CKM: variants seen among roughly 807,000 people sequenced by gnomAD.
CKM encodes the protein creatine kinase M-type.
CKM carries 28 observed loss-of-function variants against 35.4 expected under a neutral mutation model. That is an observed-to-expected ratio of 0.79 (90% CI 0.59 to 1.08). The LOEUF (loss-of-function observed/expected upper bound fraction) is 1.08, where lower values mean the gene tolerates loss of function less well. Ranked by LOEUF, CKM falls within the 50% of genes least tolerant of loss-of-function variation. The pLI is 0.00. For synonymous variants in CKM, 215 were observed against 204.4 expected (o/e 1.05, Z -0.44); for missense variants, 484 against 509.8 (o/e 0.95, Z 0.49).
intron 3 of CKM, 127 bp downstream of exon 3, chr19:45,317,698 T>G (rs555966722): frequency 1.6e-4 from 176 of 1,097,692 alleles, no homozygotes; most frequent in Non-Finnish European, 2.1e-4. Context: ...CCTCTCTCTT[T>G]CCATCTCTCT....
chr19:45,309,555 C>CAAA lies in CKM; in HGVS notation c.654-1026_654-1024dup, dbSNP rs1157606063. Among the ~76,000 whole-genome samples, 97 of 74,848 alleles carry CAAA rather than the reference C, an allele frequency of 1.3e-3. 2 individuals carry two copies. The highest frequency in any genetic ancestry group is 3.3e-3 in the African/African-American group (63 of 19,262). The allele number at this position is 74,848 out of a possible 152,430, so 49.1% of individuals were successfully genotyped here. On this transcript the variant is annotated intron_variant, in intron 5 of 7. Coordinates refer to ENST00000221476, the MANE Select transcript of CKM (RefSeq NM_001824.5). ...TGGGCAACAGAGCAAGACCCTGTCT[C>CAAA]AAAAAAAAAAAAAAAAAAACCTGAG...
intron 4 of CKM, among the ~76,000 whole-genome samples, chr19:45,314,329 T>A (rs1971137580): frequency 6.6e-6 from 1 of 152,102 alleles, no homozygotes; most frequent in Non-Finnish European, 1.5e-5. Context: ...ACAACATTTT[T>A]AGCAGGATTT....
rs542554046 is a variant in CKM, at chr19:45,307,543, C to G, written c.885G>C (p.Val295=). 1.2e-6 allele frequency: 2 copies of G among 1,614,146 alleles called. No homozygotes were observed. The highest frequency in any genetic ancestry group is 1.7e-6 in the Non-Finnish European group (2 of 1,179,998). Residue 295 remains valine (V), a synonymous_variant, in exon 7 of 8, where the codon GTG becomes GTC. Coordinates refer to ENST00000221476, the MANE Select transcript of CKM (RefSeq NM_001824.5). ...TGCTCAGGTGCGCCAGCTTCACATG[C>G]ACGCCTCCACGCAGCCCAGTGCCCA... ...SNLGTGLRGG[V]HVKLAHLSKH...
At position 45,307,477 on chromosome 19, in the gene CKM, C is replaced by T. The variant is rs556510487; in HGVS notation, c.951G>A (p.Leu317=). The T allele has an allele frequency of 7.7e-5, 124 of 1,613,816 alleles. No homozygotes were observed. The highest frequency in any genetic ancestry group is 1.2e-4 in the Admixed American group (7 of 59,982). Residue 317 remains leucine (L), a synonymous_variant, in exon 7 of 8, where the codon CTG becomes CTA. Transcript: ENST00000221476. ...KFEEILTRLR[L]QKRGTGGVDT... ...GAGCCGTACCTGTACCCCTCTTCTG[C>T]AGACGCAGGCGGGTGAGGATCTCCT...
intron 5 of CKM, among the ~76,000 whole-genome samples, chr19:45,309,854 G>A (rs929882441): frequency 3.3e-5 from 5 of 151,974 alleles, no homozygotes; most frequent in Non-Finnish European, 5.9e-5. Context: ...CAGAGTGAGA[G>A]TCCATCTCAA....
In CKM at chr19:45,317,950, C is replaced by T. The variant is rs771533664; in HGVS notation, c.223G>A (p.Val75Met). 11 of 1,613,814 alleles carry T rather than the reference C, an allele frequency of 6.8e-6. No individual in the cohort carries two copies. The African/African-American group carries it at 8.0e-5, about 12-fold the overall frequency. ...TCGTAGGACTCCTCATCACCAGCCA[C>T]GCAGCCCACGGTCATGATGAAGGGG... ...GHPFIMTVGCVAGDEESYEVF... is the reference protein window; with the variant it reads ...GHPFIMTVGCMAGDEESYEVF... The change falls in exon 3 of 8, where the codon GTG (valine) becomes ATG (methionine). Residue 75 changes from valine (V) to methionine (M), a missense_variant. By Grantham distance (21) the Val-to-Met change is conservative. Coordinates refer to ENST00000221476, the MANE Select transcript of CKM (RefSeq NM_001824.5).
At position 45,322,810 on chromosome 19, in the gene CKM, C is replaced by A; in HGVS notation, c.-19+11G>T. On this transcript the variant is annotated intron_variant, in intron 1 of 7. Coordinates refer to ENST00000221476, the MANE Select transcript of CKM (RefSeq NM_001824.5). ...TCTGGCCCCCACCCAGATTCCCGCC[C>A]CGTGCAGTACCTGGCTGGGCTGGGC... 1 of 985,684 alleles carries A rather than the reference C, an allele frequency of 1.0e-6. No individual in the cohort carries two copies. The allele number at this position is 985,684 out of a possible 1,614,324, so 61.1% of individuals were successfully genotyped here.
chr19:45,309,944 G>A (rs1039761093), intron 5 of CKM, among the ~76,000 whole-genome samples: 1 of 152,012 alleles, frequency 6.6e-6, no homozygotes, highest in African/African-American at 2.4e-5. Flanking sequence ...CATCCCATCT[G>A]TATATCTTAG....
At position 45,308,460 on chromosome 19, in the gene CKM, C is replaced by T. The variant is rs371276267; in HGVS notation, c.726G>A (p.Lys242=). ...GGAAAACCTCCTTCATGTTGCCCCC[C>T]TTCTCCATGGAGATGACCCGGAGGT... ...EDHLRVISME[K]GGNMKEVFRR... is the part of the protein sequence containing the mutation. Residue 242 remains lysine (K), a synonymous_variant, in exon 6 of 8, where the codon AAG becomes AAA. Transcript: ENST00000221476. 3.1e-6 allele frequency: 5 copies of T among 1,614,048 alleles called. No homozygotes were observed. The highest frequency in any genetic ancestry group is 4.2e-6 in the Non-Finnish European group (5 of 1,180,010).
At chr19:45,321,153 C>T (rs1038611677) in intron 1 of CKM, among the ~76,000 whole-genome samples, 2 of 151,788 alleles carry the variant, frequency 1.3e-5, no homozygotes, top group African/African-American at 2.4e-5. Context: ...ATCCGCCCAC[C>T]TCTGCCTCCC....
At position 45,318,080 on chromosome 19, in the gene CKM, G is replaced by T. The variant is rs558589324; in HGVS notation, c.194-101C>A. The T allele has an allele frequency of 1.1e-5, 11 of 968,490 alleles. No individual in the cohort carries two copies. In the East Asian group the frequency reaches 2.7e-4, roughly 24 times the overall value. 60.0% of individuals were successfully genotyped at this position (968,490 alleles called of 1,614,324 possible). On this transcript the variant is annotated intron_variant, in intron 2 of 7. Coordinates refer to ENST00000221476, the MANE Select transcript of CKM (RefSeq NM_001824.5). ...TGTGTGGACATGTGTGTCGGGATGG[G>T]GGCGGGTACATTCAATACCTCTGGG... is the stretch of plus-strand genomic sequence containing the variant.
rs934235936 is a variant in CKM, at chr19:45,314,972, G to A, written c.481+493C>T. 7.2e-5 allele frequency among the ~76,000 whole-genome samples: 11 copies of A among 152,050 alleles called. No individual in the cohort carries two copies. The East Asian group carries it at 7.7e-4, about 11-fold the overall frequency. Reference sequence around the variant, plus strand: ...AGCGACCCTCCCTCCTAGGCCTCCCGCACTGCTGTGGGAGCCACTGTGCCC... The same window carrying A: ...AGCGACCCTCCCTCCTAGGCCTCCCACACTGCTGTGGGAGCCACTGTGCCC... On this transcript the variant is annotated intron_variant, in intron 4 of 7. Coordinates refer to ENST00000221476, the MANE Select transcript of CKM (RefSeq NM_001824.5).
intron 4 of CKM, 85 bp downstream of exon 4, chr19:45,315,380 G>T: frequency 6.8e-7 from 1 of 1,478,250 alleles, no homozygotes; most frequent in Non-Finnish European, 9.2e-7. Context: ...AAAAGCGGGG[G>T]CCCAAAGAGA....
At position 45,318,923 on chromosome 19, in the gene CKM, C is replaced by T. The variant is rs1293195593; in HGVS notation, c.193+598G>A. ...TGGCTGGAGTACAGTGGCGCGATCT[C>T]GGCTTACTGCAACCTGCACCTCCCA... On this transcript the variant is annotated intron_variant, in intron 2 of 7. Transcript: ENST00000221476. Among the ~76,000 whole-genome samples the T allele has an allele frequency of 2.6e-5, 4 of 151,194 alleles. No individual in the cohort carries two copies. The East Asian group carries it at 7.8e-4, about 29-fold the overall frequency.
At chr19:45,315,849 C>CTTTTTTTT (rs376961493) in intron 3 of CKM, among the ~76,000 whole-genome samples, 48 of 135,610 alleles carry the variant, frequency 3.5e-4, no homozygotes, top group South Asian at 4.7e-4. Context: ...ATTTCTTTTC[C>CTTTTTTTT]TTTTTTTTCT....
Position 45,306,786 on chromosome 19 carries a change from G to C in CKM, c.1110C>G (p.Gly370=), listed in dbSNP as rs147729252. The change falls in exon 8 of 8, where the codon GGC becomes GGG. Residue 370 remains glycine (G), a synonymous_variant. Transcript: ENST00000221476. This position sits in a 1 kb window ranked among gnomAD's most constrained non-coding sequence, Gnocchi z 4.5. ...MVEMEKKLEK[G]QSIDDMIPAQ... ...CGGGGATCATGTCGTCAATGGACTG[G>C]CCTTTCTCCAACTTCTTCTCCATTT... is the stretch of plus-strand genomic sequence containing the variant. The C allele has an allele frequency of 1.9e-6, 3 of 1,614,060 alleles. No individual in the cohort carries two copies. The highest frequency in any genetic ancestry group is 2.5e-6 in the Non-Finnish European group (3 of 1,180,036).
At chr19:45,319,492 C>T in intron 2 of CKM, 29 bp downstream of exon 2, 2 of 1,587,610 alleles carry the variant, frequency 1.3e-6, no homozygotes, top group Non-Finnish European at 1.7e-6. Flanking sequence ...CCCATGTAGC[C>T]CCTTCAGTGC....
At chr19:45,309,227 C>CAA (rs59133395) in intron 5 of CKM, among the ~76,000 whole-genome samples, 3,932 of 80,678 alleles carry the variant, frequency 0.049, 103 homozygotes, top group Non-Finnish European at 0.067. Context: ...GACTCCATCT[C>CAA]AAAAAAAAAA....
intron 5 of CKM, 96 bp from the exon 6 acceptor site, chr19:45,308,628 A>T: frequency 1.1e-5 from 16 of 1,466,712 alleles, no homozygotes; most frequent in East Asian, 4.8e-5. Context: ...CGATGGGGGA[A>T]GAGGGCCTGA....
Sources: gnomAD v4.1 joint callset for allele counts (sites outside exome capture counted in the v4.1 genomes callset) on GRCh38, gnomAD v4.1.1 for gene constraint, Gnocchi (gnomAD v3.1) non-coding constraint, MANE v1.5 for transcripts, NCBI Gene and HGNC (gene_info 2026-07-23, HGNC 2026-07-21) for gene names.